Variants in RANBP17 observed in about 807,000 individuals in gnomAD.
The protein encoded by RANBP17 is RAN binding protein 17, also known as ran-binding protein 17.
Under a neutral mutation model 141.2 loss-of-function variants are expected in RANBP17, and 158 were observed. That is an observed-to-expected ratio of 1.12 (90% CI 0.98 to 1.28). RANBP17 has a LOEUF of 1.28. Among genes scored for constraint, RANBP17 ranks in the 50% most tolerant of loss-of-function variants. The pLI is 0.00. For synonymous variants in RANBP17, 430 were observed against 450.0 expected, an observed-to-expected ratio of 0.96 and a Z score of 0.56; for missense variants, 1,438 against 1,290.7, an observed-to-expected ratio of 1.11 and a Z score of -1.75.
At chr5:170,920,491 T>C (rs1772352791) in intron 11 of RANBP17, among the ~76,000 whole-genome samples, 1 of 145,132 alleles carries the variant, frequency 6.9e-6, no homozygotes, top group Non-Finnish European at 1.5e-5. Flanking sequence ...TTCCCATTTT[T>C]TAATTGGGTT....
intron 9 of RANBP17, 36 bp downstream of exon 9, chr5:170,916,620 G>A (rs1177839353): frequency 1.5e-6 from 2 of 1,371,568 alleles, no homozygotes; most frequent in Non-Finnish European, 2.0e-6. Flanking sequence ...AGCATATAGA[G>A]ATACAGTTTT....
At chr5:171,285,282 A>G (rs895723792) in intron 25 of RANBP17, among the ~76,000 whole-genome samples, 7 of 152,222 alleles carry the variant, frequency 4.6e-5, no homozygotes, top group African/African-American at 7.2e-5. Context: ...TTAAGCTTGC[A>G]CACATTGTTT....
intron 14 of RANBP17, among the ~76,000 whole-genome samples, chr5:171,132,565 T>A (rs1756995027): frequency 6.6e-6 from 1 of 151,830 alleles, no homozygotes; most frequent in Admixed American, 6.6e-5. Flanking sequence ...CTACAAAAAA[T>A]TTAAAAATTA....
At chr5:171,254,637 T>C (rs1018563108) in intron 24 of RANBP17, among the ~76,000 whole-genome samples, 1 of 152,222 alleles carries the variant, frequency 6.6e-6, no homozygotes, top group South Asian at 2.1e-4. Context: ...TAAGAAGTAA[T>C]ATATGTACAT....
intron 14 of RANBP17, among the ~76,000 whole-genome samples, chr5:171,159,863 C>T (rs991829231): frequency 2.4e-5 from 3 of 127,264 alleles, no homozygotes; most frequent in Admixed American, 1.0e-4. Flanking sequence ...GCAGAGCTTG[C>T]GGTGAGCCAG....
chr5:170,949,507 G>A (rs528939065), intron 12 of RANBP17, among the ~76,000 whole-genome samples: 81 of 152,030 alleles, frequency 5.3e-4, no homozygotes, highest in Non-Finnish European at 9.7e-4. Context: ...AAGGAAAGGC[G>A]TATCAAAATT....
At chr5:171,256,549 A>G (rs1169310685) in intron 24 of RANBP17, among the ~76,000 whole-genome samples, 1 of 152,168 alleles carries the variant, frequency 6.6e-6, no homozygotes, top group African/African-American at 2.4e-5. Context: ...AGCAGTAGAA[A>G]AGAAATAGTA....
At chr5:171,068,867 G>A (rs1784468472) in intron 14 of RANBP17, among the ~76,000 whole-genome samples, 2 of 152,164 alleles carry the variant, frequency 1.3e-5, no homozygotes, top group Non-Finnish European at 1.5e-5. Context: ...ATTATAGGCA[G>A]TGAGCCACCA....
chr5:171,043,285 T>C (rs1759284398), intron 14 of RANBP17, among the ~76,000 whole-genome samples: 7 of 152,156 alleles, frequency 4.6e-5, no homozygotes, highest in Admixed American at 4.6e-4. Flanking sequence ...TTCAAACTGG[T>C]TTACAATCAG....
intron 24 of RANBP17, among the ~76,000 whole-genome samples, chr5:171,255,970 ATTAT>A (rs1765863959): frequency 6.6e-6 from 1 of 152,178 alleles, no homozygotes; most frequent in African/African-American, 2.4e-5. Context: ...CCTTTAAAAG[ATTAT>A]TTAAGACAGG....
In RANBP17 at chr5:171,208,655, A is replaced by G. The variant is rs1427159860; in HGVS notation, c.2231+3043A>G. Among the ~76,000 whole-genome samples the G allele has an allele frequency of 2.0e-5, 3 of 152,338 alleles. No individual in the cohort carries two copies. In the East Asian group the frequency reaches 5.8e-4, roughly 29 times the overall value. ...TATACAGTGGCAAGGCAAGATAACA[A>G]GATACATAGAGGAGCACAAACTTTG... On this transcript the variant is annotated intron_variant, in intron 20 of 27. Transcript: ENST00000523189.
chr5:171,237,774 C>T (rs919714291), intron 22 of RANBP17, among the ~76,000 whole-genome samples: 1 of 150,878 alleles, frequency 6.6e-6, no homozygotes, highest in East Asian at 2.0e-4. Flanking sequence ...AGATCTCCCT[C>T]TTAGGAAGGA....
intron 11 of RANBP17, among the ~76,000 whole-genome samples, chr5:170,923,806 TCTA>T (rs1772677559): frequency 1.3e-5 from 2 of 152,188 alleles, no homozygotes; most frequent in African/African-American, 4.8e-5. Context: ...ACTGCCAATA[TCTA>T]CTAATACAGG....
intron 14 of RANBP17, among the ~76,000 whole-genome samples, chr5:171,047,298 G>A (rs1293160963): frequency 2.0e-5 from 3 of 151,694 alleles, no homozygotes; most frequent in African/African-American, 7.3e-5. Context: ...GATTACAGGT[G>A]TGAGCCACTG....
chr5:171,265,699 G>T lies in RANBP17; in HGVS notation c.2795G>T (p.Ser932Ile). 6.2e-7 allele frequency: 1 copy of T among 1,612,982 alleles called. No homozygotes were observed. Among genetic ancestry groups the T allele is most frequent in the South Asian group, 1.1e-5 (1 of 90,808 alleles). Residue 932 changes from serine to isoleucine, a missense_variant, in exon 25 of 28, where the codon AGC (serine) becomes ATC (isoleucine). Physicochemically the swap from Ser to Ile is moderately radical, Grantham distance 142. Transcript: ENST00000523189. ...TGTACAGATACAGTTGTCTCCTCCA[G>T]CTGCTGTACCAGTTTAGACTACATC... ...LTTLDTVVSS[S>I]CCTSLDYIVT...
intron 14 of RANBP17, among the ~76,000 whole-genome samples, chr5:171,066,579 A>T (rs1240330262): frequency 6.6e-6 from 1 of 152,174 alleles, no homozygotes. Flanking sequence ...GTTGTTGGAC[A>T]CTTAGGTTGA....
intron 2 of RANBP17, among the ~76,000 whole-genome samples, chr5:170,879,007 C>T (rs1581035506): frequency 6.6e-6 from 1 of 152,178 alleles, no homozygotes; most frequent in South Asian, 2.1e-4. Context: ...TTTAATAATA[C>T]AGGTCTGTTA....
At chr5:170,903,590 C>G (rs1363962291) in intron 5 of RANBP17, 2 of 245,552 alleles carry the variant, frequency 8.1e-6, no homozygotes, top group East Asian at 2.0e-4. Context: ...TTTATGACCT[C>G]CATTTATCCT....
At chr5:170,878,771 G>C (rs998211565) in intron 2 of RANBP17, among the ~76,000 whole-genome samples, 1 of 152,088 alleles carries the variant, frequency 6.6e-6, no homozygotes, top group Non-Finnish European at 1.5e-5. Flanking sequence ...AGTTGGAGAG[G>C]TAGATACCTA....
Sources: allele counts gnomAD v4.1 joint callset (sites outside exome capture counted in the v4.1 genomes callset), GRCh38; gene constraint gnomAD v4.1.1; transcripts MANE v1.5; gene names NCBI Gene and HGNC (gene_info 2026-07-23, HGNC 2026-07-21).